The following USP15 variants were observed in gnomAD, a reference collection of about 807,000 sequenced individuals.
The protein encoded by USP15 is ubiquitin specific peptidase 15, also known as ubiquitin carboxyl-terminal hydrolase 15.
A neutral mutation model predicts 127.1 loss-of-function variants in USP15; 18 were observed. That is an observed-to-expected ratio of 0.14 (90% confidence interval 0.10 to 0.21). The LOEUF is 0.21. Ranked by LOEUF, USP15 falls within the 10% of genes least tolerant of loss-of-function variation. The pLI is 1.00. For missense variants in USP15, 805 were observed against 1,159.9 expected (o/e 0.69, Z 4.44); for synonymous variants, 364 against 393.7 (o/e 0.92, Z 0.89).
Position 62,294,115 on chromosome 12 carries a change from A to G in USP15, c.90-64A>G. 5 of 1,527,306 alleles carry G rather than the reference A, an allele frequency of 3.3e-6. No individual in the cohort carries two copies. In the South Asian group the frequency reaches 3.6e-5, roughly 11 times the overall value. 94.6% of individuals were successfully genotyped at this position (1,527,306 alleles called of 1,614,324 possible). ...TATAAAAGGAAATATCAAAAAATAGATGGCTGTTCTACTGTTCCTGTATTT... is the reference window on the plus strand; with the variant it reads ...TATAAAAGGAAATATCAAAAAATAGGTGGCTGTTCTACTGTTCCTGTATTT... On this transcript the variant is annotated intron_variant, in intron 1 of 21. Coordinates refer to ENST00000280377, the MANE Select transcript of USP15 (RefSeq NM_001252078.2).
chr12:62,321,785 C>A (rs2137282193), intron 5 of USP15, among the ~76,000 whole-genome samples, 176 bp downstream of exon 5: 1 of 152,224 alleles, frequency 6.6e-6, no homozygotes, highest in African/African-American at 2.4e-5. Context: ...CCTCCTTGAG[C>A]TTGGGAATAA....
rs2067978600 is a variant in USP15, at chr12:62,409,293, GA to G, written c.*4920del. ...GGCTAAGCCATTCAAGGAAAATCAG[GA>G]ATTTACGTAATATATTGGACTACAG... is the stretch of plus-strand genomic sequence containing the variant. On this transcript the variant is annotated 3_prime_UTR_variant, in exon 22 of 22. Transcript: ENST00000280377. 1 of 152,060 alleles carries G rather than the reference GA, an allele frequency of 6.6e-6. No individual in the cohort carries two copies. Among genetic ancestry groups the G allele is most frequent in the Non-Finnish European group, 1.5e-5 (1 of 67,992 alleles). The allele number at this position is 152,060 out of a possible 1,614,324, so 9.4% of individuals were successfully genotyped here.
chr12:62,332,193 A>C (rs1471869836), intron 6 of USP15, among the ~76,000 whole-genome samples: 1 of 151,924 alleles, frequency 6.6e-6, no homozygotes, highest in Non-Finnish European at 1.5e-5. Flanking sequence ...AAGTTTTCTA[A>C]CTGAATTTTT....
chr12:62,374,419 A>G (rs1330790021), intron 8 of USP15: 1 of 985,646 alleles, frequency 1.0e-6, no homozygotes, highest in Non-Finnish European at 1.2e-6. Context: ...GTGAGCATAC[A>G]TGATCACTTG....
Position 62,278,659 on chromosome 12 carries a change from C to G in USP15, c.90-15520C>G, listed in dbSNP as rs1173805439. 3.9e-5 allele frequency: 6 copies of G among 152,088 alleles called. No homozygotes were observed. In the East Asian group the frequency reaches 1.2e-3, roughly 29 times the overall value. 9.4% of individuals were successfully genotyped at this position (152,088 alleles called of 1,614,324 possible). On this transcript the variant is annotated intron_variant, in intron 1 of 21. Transcript: ENST00000280377. The stretch of plus-strand genomic sequence containing the variant: ...CAGTGCATGACTGTATACAGATGGT[C>G]CTCAACTTAATGATGGAGTTACAGC...
intron 1 of USP15, among the ~76,000 whole-genome samples, chr12:62,269,509 C>G (rs1420354226): frequency 6.6e-6 from 1 of 152,038 alleles, no homozygotes. Flanking sequence ...CCCTTGATCT[C>G]CTGGGCTCAA....
At chr12:62,391,990 T>C (rs1431339298) in intron 17 of USP15, 104 bp downstream of exon 17, 1 of 1,170,726 alleles carries the variant, frequency 8.5e-7, no homozygotes, top group Non-Finnish European at 1.2e-6. Context: ...CCACCAAATA[T>C]GTTTATTTTG....
At chr12:62,267,503 A>T (rs138040641) in intron 1 of USP15, among the ~76,000 whole-genome samples, 1 of 152,252 alleles carries the variant, frequency 6.6e-6, no homozygotes, top group South Asian at 2.1e-4. Flanking sequence ...CATCACTAAG[A>T]TTCTACATGG....
intron 2 of USP15, among the ~76,000 whole-genome samples, 182 bp from the exon 3 acceptor site, chr12:62,302,608 C>G (rs996807052): frequency 1.3e-5 from 2 of 152,000 alleles, no homozygotes; most frequent in Non-Finnish European, 2.9e-5. Context: ...GTTAGTGTTA[C>G]AATTCTTCCA....
At chr12:62,289,162 C>G (rs1399864242) in intron 1 of USP15, among the ~76,000 whole-genome samples, 1 of 152,042 alleles carries the variant, frequency 6.6e-6, no homozygotes, top group Non-Finnish European at 1.5e-5. Flanking sequence ...GGGATTGGTA[C>G]AAGTTCTTTG....
Position 62,309,223 on chromosome 12 carries a change from C to T in USP15, c.349-5567C>T, listed in dbSNP as rs545123823. ...ATAAAAAGAGAGTAGGCACAAATAA[C>T]CTATATTGCGAATGAAAAAGGAAAC... On this transcript the variant is annotated intron_variant, in intron 3 of 21. Transcript: ENST00000280377. 2.0e-3 allele frequency among the ~76,000 whole-genome samples: 299 copies of T among 152,034 alleles called. 1 individual carries two copies. The highest frequency in any genetic ancestry group is 3.9e-3 in the Non-Finnish European group (263 of 67,958).
chr12:62,366,227 G>T (rs2066473533), intron 8 of USP15, among the ~76,000 whole-genome samples: 1 of 152,130 alleles, frequency 6.6e-6, no homozygotes, highest in South Asian at 2.1e-4. Flanking sequence ...TTATTTCCTT[G>T]AGCAGTGGTT....
At chr12:62,276,532 G>C (rs930676861) in intron 1 of USP15, among the ~76,000 whole-genome samples, 5 of 151,820 alleles carry the variant, frequency 3.3e-5, no homozygotes, top group African/African-American at 9.7e-5. Context: ...TGTCCTTTAT[G>C]TGCTTTTCCT....
intron 1 of USP15, among the ~76,000 whole-genome samples, chr12:62,282,330 C>CA (rs201607815): frequency 4.5e-4 from 66 of 148,084 alleles, no homozygotes; most frequent in Admixed American, 1.3e-3. Context: ...ACCCTGTCTC[C>CA]AAAAAAAAAT....
At chr12:62,346,908 C>T (rs1311048307) in intron 6 of USP15, among the ~76,000 whole-genome samples, 2 of 152,166 alleles carry the variant, frequency 1.3e-5, no homozygotes, top group African/African-American at 4.8e-5. Flanking sequence ...ACATGCTATT[C>T]TTCCTAACTG....
At chr12:62,353,765 G>A (rs1025695640) in intron 7 of USP15, among the ~76,000 whole-genome samples, 1 of 151,952 alleles carries the variant, frequency 6.6e-6, no homozygotes, top group Admixed American at 6.6e-5. Flanking sequence ...ACTTAAAATT[G>A]CTAATAGGCG....
At chr12:62,294,452 A>T in intron 2 of USP15, 146 bp downstream of exon 2, 1 of 811,442 alleles carries the variant, frequency 1.2e-6, no homozygotes, top group Non-Finnish European at 1.8e-6. Flanking sequence ...CATTATTCTA[A>T]TAAGTTATTA....
In USP15 at chr12:62,384,071, C is replaced by T. The variant is rs2137579990; in HGVS notation, c.1249-7C>T. On this transcript the variant is annotated splice_region_variant and splice_polypyrimidine_tract_variant and intron_variant, in intron 10 of 21. Coordinates refer to ENST00000280377, the MANE Select transcript of USP15 (RefSeq NM_001252078.2). ...CTCTTTCTAATTTGTGTCTATTATC[C>T]TTGTAGGTGGTTGCCGAAGAAGCCT... The T allele has an allele frequency of 1.2e-6, 2 of 1,611,592 alleles. No individual in the cohort carries two copies. Among genetic ancestry groups the T allele is most frequent in the East Asian group, 2.2e-5 (1 of 44,812 alleles).
intron 6 of USP15, among the ~76,000 whole-genome samples, chr12:62,340,140 C>A (rs987847347): frequency 1.4e-4 from 21 of 152,200 alleles, no homozygotes; most frequent in African/African-American, 5.1e-4. Flanking sequence ...AGGAATTTAT[C>A]CGTTTCTTCT....
Sources: allele counts gnomAD v4.1 joint callset (sites outside exome capture counted in the v4.1 genomes callset), GRCh38; gene constraint gnomAD v4.1.1; transcripts MANE v1.5; gene names NCBI Gene and HGNC (gene_info 2026-07-23, HGNC 2026-07-21).